Variants in SKAP1 observed in about 807,000 individuals in gnomAD.
The protein encoded by SKAP1 is src kinase associated phosphoprotein 1.
Under a neutral mutation model 58.5 loss-of-function variants are expected in SKAP1, and 44 were observed. The observed-to-expected ratio is 0.75, with a 90% CI of 0.59 to 0.97. The LOEUF is 0.97. Ranked by LOEUF, SKAP1 falls within the 50% of genes least tolerant of loss-of-function variation. The probability of loss-of-function intolerance (pLI) is 0.00; values close to 1 mark genes in which losing one functional copy is unlikely to be tolerated. For synonymous variants in SKAP1, 127 were observed against 149.7 expected (o/e 0.85, Z 1.11); for missense variants, 390 against 435.2 (o/e 0.90, Z 0.92).
In SKAP1 at chr17:48,399,387, A is replaced by C. The variant is rs371153468; in HGVS notation, c.47-2602T>G. Among the ~76,000 whole-genome samples, 25 of 152,226 alleles carry C rather than the reference A, an allele frequency of 1.6e-4. 2 individuals are homozygous for C. In the East Asian group the frequency reaches 2.9e-3, roughly 18 times the overall value. ...ACAGCCTTTCGTGATAAAAATTCTCAACAAACTAGGAATAGAAGGAAGCTT... is the reference window on the plus strand; with the variant it reads ...ACAGCCTTTCGTGATAAAAATTCTCCACAAACTAGGAATAGAAGGAAGCTT... On this transcript the variant is annotated intron_variant, in intron 1 of 12. Transcript: ENST00000336915.
intron 4 of SKAP1, among the ~76,000 whole-genome samples, chr17:48,192,466 G>A (rs2064559914): frequency 6.6e-6 from 1 of 152,020 alleles, no homozygotes; most frequent in Admixed American, 6.6e-5. Flanking sequence ...ATGAAAATGG[G>A]AAGACATTGC....
At chr17:48,369,490 CAAA>C (rs11369011) in intron 2 of SKAP1, among the ~76,000 whole-genome samples, 1 of 137,326 alleles carries the variant, frequency 7.3e-6, no homozygotes, top group African/African-American at 2.7e-5. Context: ...GACCCTCTCT[CAAA>C]AAAAAAAAAA....
chr17:48,170,240 C>A (rs2064189864), intron 10 of SKAP1, among the ~76,000 whole-genome samples: 1 of 152,204 alleles, frequency 6.6e-6, no homozygotes, highest in South Asian at 2.1e-4. Flanking sequence ...CCGGGCCTCT[C>A]AGAGAGGAGA....
intron 9 of SKAP1, among the ~76,000 whole-genome samples, chr17:48,173,889 G>A (rs1190501489): frequency 1.3e-5 from 2 of 152,178 alleles, no homozygotes; most frequent in Admixed American, 1.3e-4. Context: ...GGCCACTGAC[G>A]AGACATAACC....
chr17:48,152,136 G>T (rs2063909611), intron 11 of SKAP1, among the ~76,000 whole-genome samples: 1 of 152,138 alleles, frequency 6.6e-6, no homozygotes, highest in South Asian at 2.1e-4. Flanking sequence ...GAATCAATAT[G>T]ATCTTTTTAT....
intron 4 of SKAP1, among the ~76,000 whole-genome samples, chr17:48,264,908 T>C (rs1011284312): frequency 3.9e-5 from 6 of 152,138 alleles, no homozygotes; most frequent in Non-Finnish European, 7.3e-5. Flanking sequence ...TCTGTTTGAC[T>C]TTCCGAAGCT....
intron 1 of SKAP1, among the ~76,000 whole-genome samples, chr17:48,412,260 A>C (rs1248762927): frequency 6.6e-6 from 1 of 152,208 alleles, no homozygotes. Context: ...CCTTTGTGCC[A>C]GTCAGGCACT....
chr17:48,220,176 T>C (rs11653919), intron 4 of SKAP1, among the ~76,000 whole-genome samples: 2,918 of 152,310 alleles, frequency 0.019, 36 homozygotes, highest in Non-Finnish European at 0.031. Flanking sequence ...TACCCTCTAA[T>C]TCAGCAATTC....
intron 4 of SKAP1, among the ~76,000 whole-genome samples, chr17:48,285,989 A>G (rs897407318): frequency 6.6e-6 from 1 of 152,258 alleles, no homozygotes; most frequent in African/African-American, 2.4e-5. Context: ...ATGAGATATT[A>G]TATGGAAAAC....
At chr17:48,304,425 T>G (rs538687760) in intron 4 of SKAP1, among the ~76,000 whole-genome samples, 2 of 152,336 alleles carry the variant, frequency 1.3e-5, no homozygotes, top group African/African-American at 4.8e-5. Context: ...GGGAAATTCT[T>G]AATTTCAGCT....
chr17:48,381,968 T>C (rs1280341181), intron 2 of SKAP1, among the ~76,000 whole-genome samples: 1 of 152,218 alleles, frequency 6.6e-6, no homozygotes, highest in Non-Finnish European at 1.5e-5. Flanking sequence ...GCTTTCCCAA[T>C]AGTCATACTA....
At chr17:48,359,366 A>T (rs1396112361) in intron 3 of SKAP1, among the ~76,000 whole-genome samples, 1 of 152,188 alleles carries the variant, frequency 6.6e-6, no homozygotes, top group African/African-American at 2.4e-5. Context: ...TAACCATAAT[A>T]CCACTGCTAC....
chr17:48,286,864 A>G (rs1253783769), intron 4 of SKAP1, among the ~76,000 whole-genome samples: 1 of 152,178 alleles, frequency 6.6e-6, no homozygotes. Context: ...TTGAGAGGCC[A>G]AGGCGGGTGG....
At chr17:48,265,248 G>C (rs1352946279) in intron 4 of SKAP1, among the ~76,000 whole-genome samples, 2 of 152,140 alleles carry the variant, frequency 1.3e-5, no homozygotes, top group Non-Finnish European at 2.9e-5. Flanking sequence ...GCTCACACCT[G>C]TAATCCCAGC....
At chr17:48,201,272 C>A (rs1304299158) in intron 4 of SKAP1, among the ~76,000 whole-genome samples, 2 of 150,054 alleles carry the variant, frequency 1.3e-5, no homozygotes, top group Non-Finnish European at 3.0e-5. Flanking sequence ...CTTTTTCCTT[C>A]CTTCCTTCCT....
chr17:48,241,039 T>C (rs1384972391), intron 4 of SKAP1, among the ~76,000 whole-genome samples: 1 of 152,162 alleles, frequency 6.6e-6, no homozygotes, highest in Non-Finnish European at 1.5e-5. Context: ...GACAGCAAAG[T>C]GCTATTTCTA....
At chr17:48,237,125 T>C (rs1361295221) in intron 4 of SKAP1, among the ~76,000 whole-genome samples, 5 of 152,218 alleles carry the variant, frequency 3.3e-5, no homozygotes, top group African/African-American at 1.2e-4. Flanking sequence ...TTGTTGTTAG[T>C]TCCACCTTAC....
chr17:48,146,908 C>T (rs563287455), intron 11 of SKAP1, among the ~76,000 whole-genome samples: 6 of 152,156 alleles, frequency 3.9e-5, no homozygotes, highest in Non-Finnish European at 8.8e-5. Flanking sequence ...GGATTACAGG[C>T]GTGAGCCACT....
At chr17:48,180,690 C>T (rs1015218868) in intron 8 of SKAP1, among the ~76,000 whole-genome samples, 3 of 152,186 alleles carry the variant, frequency 2.0e-5, no homozygotes, top group African/African-American at 7.2e-5. Context: ...GGTGCTGGAG[C>T]TGTCAGAAGC....
Sources: allele counts gnomAD v4.1 joint callset (sites outside exome capture counted in the v4.1 genomes callset), GRCh38; gene constraint gnomAD v4.1.1; transcripts MANE v1.5; gene names NCBI Gene and HGNC (gene_info 2026-07-23, HGNC 2026-07-21).